Variants in ZNF468 observed in about 807,000 individuals in gnomAD.
ZNF468 encodes the protein zinc finger protein 468.
Under a neutral mutation model 7.2 loss-of-function variants are expected in ZNF468, and 8 were observed. The ratio of observed to expected loss-of-function variants is 1.11; its 90% confidence interval spans 0.65 to 2.01. ZNF468 has a LOEUF of 2.01. Among genes scored for constraint, ZNF468 ranks in the 30% most tolerant of loss-of-function variants. The pLI is 0.00. For missense variants in ZNF468, 608 were observed against 626.5 expected (o/e 0.97, Z 0.31); for synonymous variants, 218 against 214.4 (o/e 1.02, Z -0.15).
chr19:52,854,348 G>C lies in ZNF468; in HGVS notation c.-73-3C>G, dbSNP rs567588556. The C allele has an allele frequency of 1.0e-5, 16 of 1,607,334 alleles. No homozygotes were observed. The South Asian group carries it at 1.3e-4, about 13-fold the overall frequency. On this transcript the variant is annotated splice_polypyrimidine_tract_variant and splice_region_variant and intron_variant, in intron 1 of 3. Coordinates refer to ENST00000595646, the MANE Select transcript of ZNF468 (RefSeq NM_001008801.2). ...CCAACAGTCTTTAGAAGTCAATCCTGAATGTTAAAAATATGTTGTTTATCA... is the reference window on the plus strand; with the variant it reads ...CCAACAGTCTTTAGAAGTCAATCCTCAATGTTAAAAATATGTTGTTTATCA...
rs752278455 is a variant in ZNF468, at chr19:52,841,003, TC to T, written c.1290del (p.Arg431GlyfsTer53). On this transcript the variant is annotated frameshift_variant, in exon 4 of 4. Coordinates refer to ENST00000595646, the MANE Select transcript of ZNF468 (RefSeq NM_001008801.2). LOFTEE classifies it low-confidence loss of function (END_TRUNC). ...TATGGTTTCTCTCCAGTATGAATCC[TC>T]CTGTGTCTTTCCAGGTTTGATTTGC... ...FSRKSNLERH[R>X]RIHTGEKPYK... 344 of 1,613,832 alleles carry T rather than the reference TC, an allele frequency of 2.1e-4. 1 individual carries two copies. Among genetic ancestry groups the T allele is most frequent in the Admixed American group, 1.2e-3 (71 of 59,960 alleles).
At position 52,841,695 on chromosome 19, in the gene ZNF468, G is replaced by T. The variant is rs2147725603; in HGVS notation, c.599C>A (p.Ser200Ter). The change falls in exon 4 of 4, where the codon TCA becomes TAA. Residue 200 changes from serine (S) to a stop codon, truncating the protein, a stop_gained. Coordinates refer to ENST00000595646, the MANE Select transcript of ZNF468 (RefSeq NM_001008801.2). LOFTEE classifies it low-confidence loss of function (END_TRUNC). ...NKYGNNSLHS[S>*]LLTQKWEVHM... ...TACTTCCCATTTTTGTGTGAGTAAT[G>T]AAGAATGGAGGGAATTATTTCCATA... 1 of 1,614,098 alleles carries T rather than the reference G, an allele frequency of 6.2e-7. No individual in the cohort carries two copies. Among genetic ancestry groups the T allele is most frequent in the Admixed American group, 1.7e-5 (1 of 60,002 alleles).
intron 2 of ZNF468, among the ~76,000 whole-genome samples, chr19:52,851,062 C>T (rs1389222522): frequency 2.6e-5 from 4 of 151,834 alleles, no homozygotes; most frequent in African/African-American, 7.3e-5. Flanking sequence ...CACCTGAGGT[C>T]GGGAGTTCAA....
At chr19:52,845,541 C>T (rs763931824) in intron 3 of ZNF468, among the ~76,000 whole-genome samples, 23 of 152,024 alleles carry the variant, frequency 1.5e-4, no homozygotes, top group Middle Eastern at 3.4e-3. Context: ...GGCCTGTAGT[C>T]GCAGCTACTG....
chr19:52,856,414 G>C (rs60488220), intron 1 of ZNF468, among the ~76,000 whole-genome samples: 15,707 of 138,448 alleles, frequency 0.11, 7 homozygotes, highest in African/African-American at 0.22. Flanking sequence ...CCTCCTGTTG[G>C]TCCTTCTCCC....
At chr19:52,851,686 C>T (rs192376828) in intron 2 of ZNF468, among the ~76,000 whole-genome samples, 1 of 148,698 alleles carries the variant, frequency 6.7e-6, no homozygotes, top group African/African-American at 2.5e-5. Context: ...GGTTGCAGTG[C>T]GCTAAGATCA....
At position 52,854,436 on chromosome 19, in the gene ZNF468, GA is replaced by G. The variant is rs2063418837; in HGVS notation, c.-73-92del. 7.6e-6 allele frequency: 10 copies of G among 1,310,856 alleles called. No individual in the cohort carries two copies. The South Asian group carries it at 1.4e-4, about 18-fold the overall frequency. The allele number at this position is 1,310,856 out of a possible 1,614,324, so 81.2% of individuals were successfully genotyped here. A position where few individuals can be genotyped will look rare whatever the true frequency, so the allele number is the denominator to read the frequency against. Reference sequence around the variant, plus strand: ...ACAAACATAGGAGACCTCACCCTGGGAAATACGGTCCCCTCTGCTGCCCACT... The same window carrying G: ...ACAAACATAGGAGACCTCACCCTGGGAATACGGTCCCCTCTGCTGCCCACT... On this transcript the variant is annotated intron_variant, in intron 1 of 3. Transcript: ENST00000595646.
At chr19:52,854,764 C>T (rs1014743259) in intron 1 of ZNF468, among the ~76,000 whole-genome samples, 3 of 151,894 alleles carry the variant, frequency 2.0e-5, no homozygotes, top group African/African-American at 7.3e-5. Context: ...TTGGCTCATG[C>T]CTGTAATACT....
At position 52,838,499 on chromosome 19, in the gene ZNF468, A is replaced by C. The variant is rs1030525336; in HGVS notation, c.*2226T>G. The C allele has an allele frequency of 1.3e-5, 2 of 152,198 alleles. No individual in the cohort carries two copies. Among genetic ancestry groups the C allele is most frequent in the Non-Finnish European group, 2.9e-5 (2 of 68,038 alleles). The allele number at this position is 152,198 out of a possible 1,614,324, so 9.4% of individuals were successfully genotyped here. A position where few individuals can be genotyped will look rare whatever the true frequency, so the allele number is the denominator to read the frequency against. On this transcript the variant is annotated 3_prime_UTR_variant, in exon 4 of 4. Coordinates refer to ENST00000595646, the MANE Select transcript of ZNF468 (RefSeq NM_001008801.2). ...AATACTGGCTGTCCTAGCCAGAACAATGAAATAGCAAAAGAAATCAAACTC... is the reference window on the plus strand; with the variant it reads ...AATACTGGCTGTCCTAGCCAGAACACTGAAATAGCAAAAGAAATCAAACTC...
intron 2 of ZNF468, among the ~76,000 whole-genome samples, chr19:52,853,202 G>A (rs1190925442): frequency 2.0e-5 from 3 of 152,002 alleles, no homozygotes; most frequent in Non-Finnish European, 4.4e-5. Flanking sequence ...ACACGTGTAC[G>A]AGACTTGCTC....
intron 2 of ZNF468, 119 bp from the exon 3 acceptor site, chr19:52,849,332 C>A (rs1488752035): frequency 2.6e-6 from 4 of 1,557,822 alleles, no homozygotes; most frequent in Non-Finnish European, 3.5e-6. Context: ...TCTGACAAAT[C>A]CAAATAAGGG....
intron 2 of ZNF468, among the ~76,000 whole-genome samples, chr19:52,851,712 G>C (rs1036908672): frequency 3.9e-5 from 6 of 152,158 alleles, no homozygotes; most frequent in African/African-American, 1.4e-4. Context: ...CTGCACTCCA[G>C]CCTGGGCAAC....
Position 52,839,841 on chromosome 19 carries a change from C to A in ZNF468, c.*884G>T, listed in dbSNP as rs1481313064. ...GTGAAATGCAAGGCATGAACGATGT[C>A]TGAAAAATTTGCCACATTTATTACA... On this transcript the variant is annotated 3_prime_UTR_variant, in exon 4 of 4. Transcript: ENST00000595646. 8 of 597,380 alleles carry A rather than the reference C, an allele frequency of 1.3e-5. No individual in the cohort carries two copies. Among genetic ancestry groups the A allele is most frequent in the Non-Finnish European group, 2.4e-5 (8 of 337,790 alleles). 37.0% of individuals were successfully genotyped at this position (597,380 alleles called of 1,614,324 possible).
At position 52,841,849 on chromosome 19, in the gene ZNF468, G is replaced by A; in HGVS notation, c.445C>T (p.Pro149Ser). ...TCAGACTGAAATATGTGCGGTTCAG[G>A]CAGATGCAAATGAAAGCTTGATCCA... The part of the protein sequence containing the change: ...QLGSSFHLHL[P>S]EPHIFQSEGK... Residue 149 changes from proline (P) to serine (S), a missense_variant, in exon 4 of 4, where the codon CCT becomes TCT. Pro to Ser is a moderately conservative substitution (Grantham distance 74). Coordinates refer to ENST00000595646, the MANE Select transcript of ZNF468 (RefSeq NM_001008801.2). 1 of 1,614,068 alleles carries A rather than the reference G, an allele frequency of 6.2e-7. No homozygotes were observed. The highest frequency in any genetic ancestry group is 8.5e-7 in the Non-Finnish European group (1 of 1,180,030).
chr19:52,840,552 C>T lies in ZNF468; in HGVS notation c.*173G>A. 7.8e-7 allele frequency: 1 copy of T among 1,286,212 alleles called. No homozygotes were observed. The highest frequency in any genetic ancestry group is 1.1e-6 in the Non-Finnish European group (1 of 897,874). 79.7% of individuals were successfully genotyped at this position (1,286,212 alleles called of 1,614,324 possible). ...ACTGAAAACTTTTGTCACATTCCTCCCATTTGTAAGGTTTCTCTCCAGTAT... is the reference window on the plus strand; with the variant it reads ...ACTGAAAACTTTTGTCACATTCCTCTCATTTGTAAGGTTTCTCTCCAGTAT... On this transcript the variant is annotated 3_prime_UTR_variant, in exon 4 of 4. Coordinates refer to ENST00000595646, the MANE Select transcript of ZNF468 (RefSeq NM_001008801.2).
At chr19:52,842,192 G>C in intron 3 of ZNF468, 41 bp from the exon 4 acceptor site, 1 of 1,497,096 alleles carries the variant, frequency 6.7e-7, no homozygotes, top group Non-Finnish European at 9.0e-7. Context: ...ATTAAGTACA[G>C]ACGGTATATA....
chr19:52,843,601 T>A (rs1275232355), intron 3 of ZNF468, among the ~76,000 whole-genome samples: 3 of 152,126 alleles, frequency 2.0e-5, no homozygotes. Flanking sequence ...CACTCATATA[T>A]AAATTCATAA....
In ZNF468 at chr19:52,845,460, T is replaced by C. The variant is rs1300676675; in HGVS notation, c.143-3309A>G. Among the ~76,000 whole-genome samples the C allele has an allele frequency of 3.3e-5, 5 of 151,430 alleles. 1 individual carries two copies. Among genetic ancestry groups the C allele is most frequent in the African/African-American group, 1.2e-4 (5 of 41,156 alleles). On this transcript the variant is annotated intron_variant, in intron 3 of 3. Coordinates refer to ENST00000595646, the MANE Select transcript of ZNF468 (RefSeq NM_001008801.2). ...TCACCAGGTCAGGAGATCGAGACCA[T>C]CCTGGCAAACCAACATGGTGAAACC...
rs753042865 is a variant in ZNF468, at chr19:52,841,614, C to T, written c.680G>A (p.Ser227Asn). 15 of 1,613,978 alleles carry T rather than the reference C, an allele frequency of 9.3e-6. No homozygotes were observed. The South Asian group carries it at 1.4e-4, about 15-fold the overall frequency. Residue 227 changes from serine to asparagine, a missense_variant, in exon 4 of 4, where the codon AGC becomes AAC. Coordinates refer to ENST00000595646, the MANE Select transcript of ZNF468 (RefSeq NM_001008801.2). ...CIQSFKSFNC[S>N]SLLKKHQIIH... ...TATCTGATGTTTTTTTAAGAGTGAG[C>T]TGCAATTAAAGGATTTGAAGCTCTG...
Sources: gnomAD v4.1 joint callset for allele counts (sites outside exome capture counted in the v4.1 genomes callset) on GRCh38, gnomAD v4.1.1 for gene constraint, MANE v1.5 for transcripts, NCBI Gene and HGNC (gene_info 2026-07-23, HGNC 2026-07-21) for gene names.